Variants in ZBTB7C observed in about 807,000 individuals in gnomAD.
ZBTB7C encodes zinc finger and BTB domain-containing protein 7C.
In ZBTB7C, 8 loss-of-function variants were observed where a neutral mutation model predicts 25.7. The ratio of observed to expected loss-of-function variants is 0.31; its 90% CI spans 0.18 to 0.56. The LOEUF is 0.56. Among genes scored for constraint, ZBTB7C ranks in the 20% least tolerant of loss-of-function variants. ZBTB7C has a pLI of 0.91. For synonymous variants in ZBTB7C, 394 were observed against 369.0 expected, an observed-to-expected ratio of 1.07 and a Z score of -0.78; for missense variants, 824 against 855.2, an observed-to-expected ratio of 0.96 and a Z score of 0.46.
At chr18:48,380,259 T>G (rs963156975) in intron 1 of ZBTB7C, among the ~76,000 whole-genome samples, 13 of 152,150 alleles carry the variant, frequency 8.5e-5, no homozygotes, top group Non-Finnish European at 1.9e-4. Flanking sequence ...TACTCTAGTT[T>G]GATAGAGTTT....
intron 2 of ZBTB7C, among the ~76,000 whole-genome samples, chr18:48,324,030 A>G (rs2046159171): frequency 6.6e-6 from 1 of 152,114 alleles, no homozygotes; most frequent in African/African-American, 2.4e-5. Context: ...CCACCATGTG[A>G]AGACGGTACA....
intron 3 of ZBTB7C, among the ~76,000 whole-genome samples, chr18:48,163,921 C>T (rs2041155773): frequency 6.6e-6 from 1 of 152,158 alleles, no homozygotes; most frequent in South Asian, 2.1e-4. Context: ...AGGGGGTTAA[C>T]TAGGTGGACA....
At chr18:48,136,982 CG>C in intron 3 of ZBTB7C, 1 of 984,696 alleles carries the variant, frequency 1.0e-6, no homozygotes, top group Non-Finnish European at 1.2e-6. Flanking sequence ...AGCCCAGAGG[CG>C]GGCCGAGGCC....
intron 3 of ZBTB7C, chr18:48,076,859 T>C: frequency 1.2e-6 from 1 of 865,446 alleles, no homozygotes; most frequent in Non-Finnish European, 1.4e-6. Context: ...CATTATGCCC[T>C]GCCCAAAGCC....
At chr18:48,250,912 C>T (rs2043835534) in intron 2 of ZBTB7C, among the ~76,000 whole-genome samples, 1 of 151,828 alleles carries the variant, frequency 6.6e-6, no homozygotes, top group Non-Finnish European at 1.5e-5. Flanking sequence ...TGAACTTAAA[C>T]TTCGGCATGT....
chr18:48,375,832 A>C (rs2145185714), intron 1 of ZBTB7C, among the ~76,000 whole-genome samples: 1 of 152,360 alleles, frequency 6.6e-6, no homozygotes, highest in South Asian at 2.1e-4. Flanking sequence ...CCTGGCAACC[A>C]GTTGTCACTT....
At chr18:48,132,065 G>C (rs1190335174) in intron 3 of ZBTB7C, among the ~76,000 whole-genome samples, 1 of 152,016 alleles carries the variant, frequency 6.6e-6, no homozygotes, top group African/African-American at 2.4e-5. Flanking sequence ...TGAAAACCTA[G>C]GTCCACACAA....
At chr18:48,032,138 G>A (rs1313859232) in intron 4 of ZBTB7C, among the ~76,000 whole-genome samples, 1 of 152,016 alleles carries the variant, frequency 6.6e-6, no homozygotes, top group African/African-American at 2.4e-5. Flanking sequence ...TTTTGAGACA[G>A]AGTCTCACTC....
intron 3 of ZBTB7C, among the ~76,000 whole-genome samples, chr18:48,048,232 G>A (rs986642424): frequency 6.6e-6 from 1 of 152,200 alleles, no homozygotes; most frequent in South Asian, 2.1e-4. Flanking sequence ...AGGCTTCTAG[G>A]AACAGGGGCC....
At chr18:48,162,936 T>G (rs1246239642) in intron 3 of ZBTB7C, among the ~76,000 whole-genome samples, 1 of 150,970 alleles carries the variant, frequency 6.6e-6, no homozygotes, top group Non-Finnish European at 1.5e-5. Flanking sequence ...ATGCTCAGCA[T>G]GCAGTCAGTA....
intron 3 of ZBTB7C, among the ~76,000 whole-genome samples, chr18:48,135,034 T>C (rs1175091959): frequency 6.6e-6 from 1 of 152,160 alleles, no homozygotes; most frequent in Non-Finnish European, 1.5e-5. Context: ...CTCCTCTTCA[T>C]CCAGGCCTCC....
chr18:48,304,902 C>T (rs1267768809), intron 2 of ZBTB7C, among the ~76,000 whole-genome samples: 3 of 149,144 alleles, frequency 2.0e-5, no homozygotes, highest in Admixed American at 6.7e-5. Context: ...ACCTTGACTT[C>T]ATTTTAATTC....
At chr18:48,332,123 A>C (rs1484907520) in intron 2 of ZBTB7C, among the ~76,000 whole-genome samples, 2 of 152,254 alleles carry the variant, frequency 1.3e-5, no homozygotes, top group Non-Finnish European at 2.9e-5. Flanking sequence ...GATTCAAACA[A>C]GACTCATCGA....
At chr18:48,038,016 G>T (rs73953656) in intron 4 of ZBTB7C, among the ~76,000 whole-genome samples, 12 of 152,298 alleles carry the variant, frequency 7.9e-5, no homozygotes, top group African/African-American at 2.9e-4. Flanking sequence ...GCCAAGCCTT[G>T]TTCAGGTGTT....
chr18:48,044,410 G>T (rs1459125458), intron 3 of ZBTB7C, among the ~76,000 whole-genome samples: 1 of 152,226 alleles, frequency 6.6e-6, no homozygotes, highest in East Asian at 1.9e-4. Context: ...GTAGTGGTGG[G>T]CACCCAAGGG....
intron 2 of ZBTB7C, among the ~76,000 whole-genome samples, chr18:48,270,492 G>A (rs964828238): frequency 4.5e-4 from 68 of 150,448 alleles, no homozygotes; most frequent in Non-Finnish European, 5.8e-4. Context: ...TCAGGTGATC[G>A]AGACCATCCT....
chr18:48,080,536 C>T (rs1391025554), intron 3 of ZBTB7C, among the ~76,000 whole-genome samples: 2 of 152,212 alleles, frequency 1.3e-5, no homozygotes, highest in African/African-American at 2.4e-5. Context: ...CCATCTAACC[C>T]GTCAAGCTGC....
intron 3 of ZBTB7C, among the ~76,000 whole-genome samples, chr18:48,176,860 G>T (rs2041697401): frequency 6.6e-6 from 1 of 152,240 alleles, no homozygotes; most frequent in South Asian, 2.1e-4. Context: ...GGGACTGCCA[G>T]CAGGCAACCA....
intron 3 of ZBTB7C, among the ~76,000 whole-genome samples, chr18:48,153,053 C>A (rs1411756921): frequency 6.6e-6 from 1 of 152,232 alleles, no homozygotes; most frequent in Non-Finnish European, 1.5e-5. Context: ...CCTTTGAGAG[C>A]AGTGATGTTG....
Sources: gnomAD v4.1 joint callset for allele counts (sites outside exome capture counted in the v4.1 genomes callset) on GRCh38, gnomAD v4.1.1 for gene constraint, MANE v1.5 for transcripts, NCBI Gene and HGNC (gene_info 2026-07-23, HGNC 2026-07-21) for gene names.